Variants in TPRG1 observed in about 807,000 individuals in gnomAD.
The protein encoded by TPRG1 is tumor protein p63 regulated 1.
Under a neutral mutation model 29.3 loss-of-function variants are expected in TPRG1, and 29 were observed. The ratio of observed to expected loss-of-function variants is 0.99; its 90% CI spans 0.74 to 1.35. The LOEUF is 1.35. TPRG1 is among the 40% of genes most tolerant of loss of function. The probability of loss-of-function intolerance (pLI) is 0.00; values close to 1 mark genes in which losing one functional copy is unlikely to be tolerated. For missense variants in TPRG1, 327 were observed against 335.0 expected (o/e 0.98, Z 0.19); for synonymous variants, 130 against 116.8 (o/e 1.11, Z -0.73).
intron 3 of TPRG1, among the ~76,000 whole-genome samples, chr3:189,023,191 C>T (rs1191170986): frequency 1.3e-5 from 2 of 152,206 alleles, no homozygotes; most frequent in East Asian, 1.9e-4. Context: ...CCGTCTTCTG[C>T]GTCGCTCACG....
At chr3:189,121,040 C>T (rs1053084721) in intron 1 of TPRG1, among the ~76,000 whole-genome samples, 11 of 152,078 alleles carry the variant, frequency 7.2e-5, no homozygotes, top group African/African-American at 2.7e-4. Context: ...ATCTTCTGTC[C>T]CAGAATGTGG....
At chr3:189,139,817 C>T (rs896753671) in intron 3 of TPRG1, among the ~76,000 whole-genome samples, 2 of 152,100 alleles carry the variant, frequency 1.3e-5, no homozygotes, top group Non-Finnish European at 2.9e-5. Flanking sequence ...GGAAATGTAC[C>T]GGCTGGTCTG....
chr3:189,202,532 G>GT (rs1476848153), intron 1 of TPRG1, among the ~76,000 whole-genome samples: 1 of 152,168 alleles, frequency 6.6e-6, no homozygotes, highest in African/African-American at 2.4e-5. Flanking sequence ...TAGGCAAAAC[G>GT]TAATAGGTTT....
chr3:189,116,324 C>A (rs1372674558), intron 1 of TPRG1, among the ~76,000 whole-genome samples: 2 of 151,986 alleles, frequency 1.3e-5, no homozygotes, highest in Admixed American at 6.6e-5. Flanking sequence ...TTGCAGGCGT[C>A]CACCACCATG....
intron 5 of TPRG1, among the ~76,000 whole-genome samples, chr3:189,316,282 T>C (rs1247131067): frequency 6.6e-6 from 1 of 152,208 alleles, no homozygotes; most frequent in Non-Finnish European, 1.5e-5. Context: ...TCTATGAGGA[T>C]AATTCCAGGA....
intron 3 of TPRG1, among the ~76,000 whole-genome samples, chr3:189,234,461 A>G (rs1739134848): frequency 6.6e-6 from 1 of 152,218 alleles, no homozygotes; most frequent in Non-Finnish European, 1.5e-5. Flanking sequence ...TTGATACAAA[A>G]TCGGAAGGAT....
chr3:189,243,122 C>A (rs1450510634), intron 4 of TPRG1, among the ~76,000 whole-genome samples: 1 of 152,092 alleles, frequency 6.6e-6, no homozygotes, highest in African/African-American at 2.4e-5. Flanking sequence ...TATAGTTCTG[C>A]AGGTTATACA....
At position 189,321,047 on chromosome 3, in the gene TPRG1, G is replaced by A; in HGVS notation, c.*227G>A. The A allele has an allele frequency of 2.6e-6, 1 of 381,230 alleles. No individual in the cohort carries two copies. The highest frequency in any genetic ancestry group is 4.0e-5 in the East Asian group (1 of 24,800). The allele number at this position is 381,230 out of a possible 1,614,324, so 23.6% of individuals were successfully genotyped here. A position where few individuals can be genotyped will look rare whatever the true frequency, so the allele number is the denominator to read the frequency against. Reference sequence around the variant, plus strand: ...ATTTTCTTAAAACTAGAAAATAAATGCTGCTGAGCCTATCAAATACTGTTA... The same window carrying A: ...ATTTTCTTAAAACTAGAAAATAAATACTGCTGAGCCTATCAAATACTGTTA... On this transcript the variant is annotated 3_prime_UTR_variant, in exon 6 of 6. Transcript: ENST00000345063.
chr3:189,081,019 A>C (rs1484038278), intron 4 of TPRG1, among the ~76,000 whole-genome samples: 1 of 152,104 alleles, frequency 6.6e-6, no homozygotes, highest in South Asian at 2.1e-4. Flanking sequence ...GTAGAGATGA[A>C]TATTTCTCTT....
Position 189,320,794 on chromosome 3 carries a change from C to G in TPRG1, c.802C>G (p.Leu268Val). Residue 268 changes from leucine (L) to valine (V), a missense_variant, in exon 6 of 6, where the codon CTT (leucine) becomes GTT (valine). Coordinates refer to ENST00000345063, the MANE Select transcript of TPRG1 (RefSeq NM_198485.4). The stretch of plus-strand genomic sequence containing the variant: ...AAACCGCAACAAACTTGGCTATTCC[C>G]TTGCCCGTGGGAGTATTGGTTTTTG... ...IGNRNKLGYS[L>V]ARGSIGF 1.9e-6 allele frequency: 3 copies of G among 1,604,034 alleles called. No individual in the cohort carries two copies. Among genetic ancestry groups the G allele is most frequent in the Non-Finnish European group, 2.6e-6 (3 of 1,175,548 alleles).
intron 4 of TPRG1, among the ~76,000 whole-genome samples, chr3:189,263,578 CACTT>C (rs1451318049): frequency 6.6e-6 from 1 of 152,198 alleles, no homozygotes; most frequent in African/African-American, 2.4e-5. Flanking sequence ...AGTTTGAAAG[CACTT>C]ACTATAAACT....
At chr3:189,255,080 A>C (rs1711592264) in intron 4 of TPRG1, among the ~76,000 whole-genome samples, 1 of 152,094 alleles carries the variant, frequency 6.6e-6, no homozygotes, top group Non-Finnish European at 1.5e-5. Flanking sequence ...GTGGTGAGAG[A>C]GGGCATCCTT....
intron 1 of TPRG1, among the ~76,000 whole-genome samples, chr3:189,187,731 GC>G (rs1731139533): frequency 6.6e-6 from 1 of 152,192 alleles, no homozygotes; most frequent in South Asian, 2.1e-4. Context: ...AAGTTGCAGA[GC>G]CCAGATTCAA....
intron 4 of TPRG1, among the ~76,000 whole-genome samples, chr3:189,256,894 G>T (rs1295156344): frequency 1.3e-5 from 2 of 152,130 alleles, no homozygotes; most frequent in African/African-American, 4.8e-5. Context: ...GAGCCTATGT[G>T]TGTCTTTGCA....
intron 4 of TPRG1, among the ~76,000 whole-genome samples, chr3:189,086,438 A>G (rs527709061): frequency 1.3e-5 from 2 of 151,222 alleles, no homozygotes; most frequent in East Asian, 3.9e-4. Flanking sequence ...AGCTCATTGC[A>G]TCCTGGAGCT....
intron 3 of TPRG1, among the ~76,000 whole-genome samples, chr3:189,222,984 G>A (rs1221931535): frequency 6.6e-6 from 1 of 152,078 alleles, no homozygotes; most frequent in Admixed American, 6.6e-5. Flanking sequence ...GATTCAACTG[G>A]AATAATCTTG....
At chr3:189,286,054 C>T in intron 4 of TPRG1, among the ~76,000 whole-genome samples, 1 of 152,068 alleles carries the variant, frequency 6.6e-6, no homozygotes, top group East Asian at 1.9e-4. Context: ...AATTTACCTT[C>T]AAGCTCACTC....
chr3:189,148,331 G>A (rs986249923), intron 4 of TPRG1, among the ~76,000 whole-genome samples: 3 of 152,116 alleles, frequency 2.0e-5, no homozygotes, highest in African/African-American at 7.2e-5. Flanking sequence ...GGCTGCAAAG[G>A]GCTCACAGTC....
chr3:189,245,839 CTAT>C (rs779911600), intron 4 of TPRG1, among the ~76,000 whole-genome samples: 1 of 151,858 alleles, frequency 6.6e-6, no homozygotes, highest in African/African-American at 2.4e-5. Context: ...TATTTTGAGT[CTAT>C]TATTAGGTGC....
Sources: allele counts gnomAD v4.1 joint callset (sites outside exome capture counted in the v4.1 genomes callset), GRCh38; gene constraint gnomAD v4.1.1; transcripts MANE v1.5; gene names NCBI Gene and HGNC (gene_info 2026-07-23, HGNC 2026-07-21).